EIF5B: variants seen among roughly 807,000 people sequenced by gnomAD.
EIF5B encodes the protein eIF-5B.
Under a neutral mutation model 147.5 loss-of-function variants are expected in EIF5B, and 47 were observed. The ratio of observed to expected loss-of-function variants is 0.32; its 90% CI spans 0.25 to 0.41. The LOEUF is 0.41. EIF5B is among the 10% of genes least tolerant of loss of function. The probability of loss-of-function intolerance (pLI) is 1.00; values close to 1 mark genes in which losing one functional copy is unlikely to be tolerated. For synonymous variants in EIF5B, 455 were observed against 456.2 expected (o/e 1.00, Z 0.03); for missense variants, 1,064 against 1,413.2 (o/e 0.75, Z 3.96).
chr2:99,392,154 G>GTTTAT (rs1229011173), intron 17 of EIF5B, among the ~76,000 whole-genome samples: 7 of 151,766 alleles, frequency 4.6e-5, no homozygotes, highest in Admixed American at 2.0e-4. Context: ...AGTTTTTTAT[G>GTTTAT]TTTATTTTAT....
chr2:99,362,431 G>A (rs1369583428), intron 4 of EIF5B, among the ~76,000 whole-genome samples: 1 of 152,100 alleles, frequency 6.6e-6, no homozygotes, highest in African/African-American at 2.4e-5. Flanking sequence ...TGGGCTGGGC[G>A]CGGTGGTTCA....
chr2:99,395,516 G>A (rs1675024929), intron 21 of EIF5B, among the ~76,000 whole-genome samples: 1 of 152,156 alleles, frequency 6.6e-6, no homozygotes, highest in Non-Finnish European at 1.5e-5. Flanking sequence ...TGTATTTTTG[G>A]TAGAGATAGG....
At chr2:99,364,555 A>G (rs1228540884) in intron 6 of EIF5B, 134 bp downstream of exon 6, 3 of 803,756 alleles carry the variant, frequency 3.7e-6, no homozygotes, top group Non-Finnish European at 5.7e-6. Context: ...GTTCAGTAAA[A>G]CGTAAGGAAT....
chr2:99,394,891 A>G lies in EIF5B; in HGVS notation c.3254+8A>G. The G allele has an allele frequency of 1.3e-6, 2 of 1,558,934 alleles. No individual in the cohort carries two copies. The highest frequency in any genetic ancestry group is 1.9e-5 in the Admixed American group (1 of 53,018). On this transcript the variant is annotated splice_region_variant and intron_variant, in intron 21 of 23. Coordinates refer to ENST00000289371, the MANE Select transcript of EIF5B (RefSeq NM_015904.4). The stretch of plus-strand genomic sequence containing the variant: ...GAAACAAGAAGAATTTAAGTAAGTT[A>G]CTGTTTTTATTTACTTTGAGTCTTT...
chr2:99,393,549 A>G (rs898554136), intron 18 of EIF5B, among the ~76,000 whole-genome samples: 1 of 151,972 alleles, frequency 6.6e-6, no homozygotes, highest in Admixed American at 6.5e-5. Flanking sequence ...GCCCATGTCC[A>G]TTGTAGTTTC....
chr2:99,358,025 T>C (rs997898232), intron 1 of EIF5B, among the ~76,000 whole-genome samples: 1 of 152,146 alleles, frequency 6.6e-6, no homozygotes, highest in Non-Finnish European at 1.5e-5. Flanking sequence ...CCTTGCTTCC[T>C]GACTAGTCAG....
At position 99,360,479 on chromosome 2, in the gene EIF5B, T is replaced by C; in HGVS notation, c.176T>C (p.Leu59Pro). The C allele has an allele frequency of 1.9e-6, 3 of 1,613,412 alleles. No homozygotes were observed. The highest frequency in any genetic ancestry group is 2.2e-5 in the East Asian group (1 of 44,848). The change falls in exon 3 of 24, where the codon CTG (leucine) becomes CCG (proline). Residue 59 changes from leucine (L) to proline (P), a missense_variant. Around this residue, in one of 4 missense-constraint regions of EIF5B, gnomAD observed 458 missense variants for 451.3 expected, o/e 1.01. Coordinates refer to ENST00000289371, the MANE Select transcript of EIF5B (RefSeq NM_015904.4). ...TCCTTTTCTAGTGAAGATGATATCC[T>C]GAAAGAACTGGAAGAATTGTCTTTG... The part of the protein sequence containing the change: ...KKQDFDEDDI[L>P]KELEELSLEA...
Position 99,363,584 on chromosome 2 carries a change from C to T in EIF5B, c.920-61C>T, listed in dbSNP as rs989455717. ...CCTTGAATTGTGGTTGGGTTTTGCTCGTCATCACCACAGGGAATTGTTTTT... is the reference window on the plus strand; with the variant it reads ...CCTTGAATTGTGGTTGGGTTTTGCTTGTCATCACCACAGGGAATTGTTTTT... On this transcript the variant is annotated intron_variant, in intron 4 of 23. Transcript: ENST00000289371. 36 of 1,502,290 alleles carry T rather than the reference C, an allele frequency of 2.4e-5. No individual in the cohort carries two copies. In the Admixed American group the frequency reaches 2.7e-4, roughly 11 times the overall value. The allele number at this position is 1,502,290 out of a possible 1,614,324, so 93.1% of individuals were successfully genotyped here.
chr2:99,395,942 A>C (rs1251520930), intron 21 of EIF5B, among the ~76,000 whole-genome samples: 2 of 152,132 alleles, frequency 1.3e-5, no homozygotes, highest in Non-Finnish European at 1.5e-5. Flanking sequence ...GTTTTGCAAG[A>C]AGCCATTGCC....
chr2:99,368,628 GT>G, intron 7 of EIF5B, 37 bp downstream of exon 7: 10 of 1,488,400 alleles, frequency 6.7e-6, no homozygotes, highest in Non-Finnish European at 9.3e-6. Flanking sequence ...TAGGAAATAT[GT>G]TGTTTGCCTT....
chr2:99,383,427 A>G (rs558199648), intron 14 of EIF5B, among the ~76,000 whole-genome samples: 13 of 152,222 alleles, frequency 8.5e-5, no homozygotes, highest in African/African-American at 3.1e-4. Flanking sequence ...AGTTAGGCCA[A>G]TTAATAAGAT....
chr2:99,351,597 CAG>C (rs1207137991), intron 1 of EIF5B, among the ~76,000 whole-genome samples: 1 of 152,162 alleles, frequency 6.6e-6, no homozygotes, highest in African/African-American at 2.4e-5. Context: ...GTATGTGCTC[CAG>C]TTACTCCATA....
chr2:99,382,374 T>C (rs1383948673), intron 13 of EIF5B, 148 bp downstream of exon 13: 2 of 640,134 alleles, frequency 3.1e-6, no homozygotes, highest in Non-Finnish European at 5.2e-6. Context: ...AGTAATGTTT[T>C]CTTTGAATAC....
intron 14 of EIF5B, among the ~76,000 whole-genome samples, chr2:99,386,257 C>T (rs1022974430): frequency 2.6e-5 from 4 of 152,172 alleles, no homozygotes; most frequent in Non-Finnish European, 4.4e-5. Context: ...TGCATCTTTT[C>T]ATGTACTTAT....
rs753458050 is a variant in EIF5B at position 99,382,909 on chromosome 2, T to C, written c.2259T>C (p.Val753=). 1.2e-6 allele frequency: 2 copies of C among 1,607,914 alleles called. No homozygotes were observed. The highest frequency in any genetic ancestry group is 1.3e-5 in the African/African-American group (1 of 74,558). Residue 753 remains valine, a synonymous_variant, in exon 14 of 24, where the codon GTT becomes GTC. Coordinates refer to ENST00000289371, the MANE Select transcript of EIF5B (RefSeq NM_015904.4). ...LLKSKKCPFI[V]ALNKIDRLYD... The stretch of plus-strand genomic sequence containing the variant: ...AATCTAAAAAATGTCCCTTCATTGT[T>C]GCACTCAATAAGGTATGTGCGCCTT...
chr2:99,399,747 G>C lies in EIF5B; in HGVS notation c.*333G>C. Reference sequence around the variant, plus strand: ...TCTAAAGCTCTTTCGATTTTATACTGATTAAATCAGTACTGCAGTATTTGA... The same window carrying C: ...TCTAAAGCTCTTTCGATTTTATACTCATTAAATCAGTACTGCAGTATTTGA... On this transcript the variant is annotated 3_prime_UTR_variant, in exon 24 of 24. Coordinates refer to ENST00000289371, the MANE Select transcript of EIF5B (RefSeq NM_015904.4). 4.2e-6 allele frequency: 1 copy of C among 239,948 alleles called. No individual in the cohort carries two copies. Among genetic ancestry groups the C allele is most frequent in the Non-Finnish European group, 8.4e-6 (1 of 118,462 alleles). The allele number at this position is 239,948 out of a possible 1,614,324, so 14.9% of individuals were successfully genotyped here.
At chr2:99,388,220 T>C (rs944841473) in intron 14 of EIF5B, among the ~76,000 whole-genome samples, 5 of 152,228 alleles carry the variant, frequency 3.3e-5, no homozygotes, top group African/African-American at 1.2e-4. Context: ...TATGTTGTTA[T>C]GTTATCTGCT....
chr2:99,396,323 G>T (rs544984998), intron 21 of EIF5B, among the ~76,000 whole-genome samples: 1 of 152,312 alleles, frequency 6.6e-6, no homozygotes, highest in Middle Eastern at 3.4e-3. Flanking sequence ...GAGAAAAGGA[G>T]GGTGATAATA....
At chr2:99,380,090 C>T (rs1375154218) in intron 12 of EIF5B, among the ~76,000 whole-genome samples, 3 of 152,166 alleles carry the variant, frequency 2.0e-5, no homozygotes, top group Admixed American at 1.3e-4. Context: ...TATAGAGAAA[C>T]GTTACCTAAT....
Sources: gnomAD v4.1 joint callset for allele counts (sites outside exome capture counted in the v4.1 genomes callset) on GRCh38, gnomAD v4.1.1 for gene constraint, gnomAD v4.1.1 regional missense constraint, MANE v1.5 for transcripts, NCBI Gene and HGNC (gene_info 2026-07-23, HGNC 2026-07-21) for gene names.